BIRC6: variants seen among roughly 807,000 people sequenced by gnomAD.
BIRC6 encodes baculoviral IAP repeat containing 6.
In BIRC6, 98 loss-of-function variants were observed where a neutral mutation model predicts 503.3. The ratio of observed to expected loss-of-function variants is 0.19; its 90% CI spans 0.17 to 0.23. The LOEUF (loss-of-function observed/expected upper bound fraction) is 0.23. BIRC6 is among the 10% of genes least tolerant of loss of function. BIRC6 has a pLI of 1.00. For missense variants in BIRC6, 5,360 were observed against 5,806.0 expected, an observed-to-expected ratio of 0.92 and a Z score of 2.50; for synonymous variants, 2,240 against 2,078.7, an observed-to-expected ratio of 1.08 and a Z score of -2.11.
At chr2:32,596,795 A>G (rs1197498800) in intron 68 of BIRC6, among the ~76,000 whole-genome samples, 1 of 152,222 alleles carries the variant, frequency 6.6e-6, no homozygotes, top group East Asian at 1.9e-4. Flanking sequence ...GTTTAGTCAT[A>G]TTTCATATCT....
At chr2:32,463,744 A>G (rs934120234) in intron 24 of BIRC6, among the ~76,000 whole-genome samples, 6 of 152,250 alleles carry the variant, frequency 3.9e-5, no homozygotes, top group African/African-American at 1.2e-4. Flanking sequence ...CTTAAAATTC[A>G]CTAATAATGA....
intron 66 of BIRC6, among the ~76,000 whole-genome samples, chr2:32,580,001 T>G (rs1412636133): frequency 6.6e-6 from 1 of 150,492 alleles, no homozygotes; most frequent in African/African-American, 2.5e-5. Context: ...TCGGCCAGGC[T>G]GGAGTGCAGT....
intron 66 of BIRC6, chr2:32,591,075 C>A: frequency 2.8e-6 from 2 of 701,894 alleles, no homozygotes; most frequent in Non-Finnish European, 3.5e-6. Context: ...TAATGTCAGA[C>A]AATGACTAGT....
At chr2:32,360,541 A>G (rs1313911060) in intron 1 of BIRC6, among the ~76,000 whole-genome samples, 1 of 152,082 alleles carries the variant, frequency 6.6e-6, no homozygotes, top group African/African-American at 2.4e-5. Context: ...TCTTTTTCCT[A>G]ACTACAGTAG....
chr2:32,514,981 A>C lies in BIRC6; in HGVS notation c.10569-9A>C. The C allele has an allele frequency of 1.3e-6, 2 of 1,590,734 alleles. No individual in the cohort carries two copies. The highest frequency in any genetic ancestry group is 1.7e-6 in the Non-Finnish European group (2 of 1,164,034). The stretch of plus-strand genomic sequence containing the variant: ...TTGTATCATTAATATGATATCTTTT[A>C]TTTTTTAGGTTACTTTTTAATTGGT... On this transcript the variant is annotated splice_polypyrimidine_tract_variant and intron_variant, in intron 54 of 73. Transcript: ENST00000421745.
At chr2:32,504,814 C>A (rs190892169) in intron 49 of BIRC6, among the ~76,000 whole-genome samples, 191 bp from the exon 50 acceptor site, 4 of 152,076 alleles carry the variant, frequency 2.6e-5, no homozygotes, top group African/African-American at 4.8e-5. Flanking sequence ...TGTCACCTTG[C>A]CAGTTGACAG....
At chr2:32,530,501 C>T (rs367641183) in intron 60 of BIRC6, among the ~76,000 whole-genome samples, 12 of 152,178 alleles carry the variant, frequency 7.9e-5, no homozygotes, top group Middle Eastern at 3.2e-3. Flanking sequence ...TGAGCCACCG[C>T]ACCCGGCCCT....
intron 11 of BIRC6, 136 bp from the exon 12 acceptor site, chr2:32,430,729 T>C (rs1162539966): frequency 9.2e-6 from 6 of 649,868 alleles, no homozygotes; most frequent in African/African-American, 1.8e-5. Context: ...GAGCCCACTT[T>C]ATTAACTTTC....
In BIRC6 at chr2:32,430,760, C is replaced by T. The variant is rs531430979; in HGVS notation, c.3023-105C>T. 1.4e-5 allele frequency: 11 copies of T among 808,552 alleles called. No homozygotes were observed. The South Asian group carries it at 1.7e-4, about 12-fold the overall frequency. The allele number at this position is 808,552 out of a possible 1,614,324, so 50.1% of individuals were successfully genotyped here. On this transcript the variant is annotated intron_variant, in intron 11 of 73. Coordinates refer to ENST00000421745, the MANE Select transcript of BIRC6 (RefSeq NM_016252.4). ...CTTTCAGAATATTTGGCAAGTGTTG[C>T]AATAGAAAACCTACCCATGAATTAA...
intron 50 of BIRC6, among the ~76,000 whole-genome samples, chr2:32,506,041 GT>G (rs1194958966): frequency 2.0e-5 from 3 of 152,024 alleles, no homozygotes; most frequent in Admixed American, 6.6e-5. Flanking sequence ...TAGAGACGGG[GT>G]TTTGTTATGA....
chr2:32,474,938 C>T (rs1383432974), intron 33 of BIRC6, among the ~76,000 whole-genome samples: 1 of 150,748 alleles, frequency 6.6e-6, no homozygotes, highest in Non-Finnish European at 1.5e-5. Context: ...TTCCTGATAC[C>T]AAAAACAGGT....
At chr2:32,455,972 GTTAATA>G (rs1377390805) in intron 23 of BIRC6, among the ~76,000 whole-genome samples, 6 of 152,248 alleles carry the variant, frequency 3.9e-5, no homozygotes, top group South Asian at 2.1e-4. Flanking sequence ...TTTGAAACAT[GTTAATA>G]TTAATATAAT....
Position 32,415,120 on chromosome 2 carries a change from A to G in BIRC6, c.1829A>G (p.Asn610Ser), listed in dbSNP as rs149538782. 7.4e-6 allele frequency: 12 copies of G among 1,613,974 alleles called. No individual in the cohort carries two copies. Among genetic ancestry groups the G allele is most frequent in the South Asian group, 1.1e-5 (1 of 91,066 alleles). The part of the protein sequence containing the change: ...ESISEQGSTD[N>S]ESCTNSELNS... ...ATATCAGAACAAGGGTCAACTGACA[A>G]TGAATCCTGCACTAATTCAGAACTA... The change falls in exon 10 of 74, where the codon AAT becomes AGT. Residue 610 changes from asparagine to serine, a missense_variant. Physicochemically the swap from Asn to Ser is conservative, Grantham distance 46. Transcript: ENST00000421745.
intron 21 of BIRC6, among the ~76,000 whole-genome samples, chr2:32,447,422 G>A (rs2046138109): frequency 6.7e-6 from 1 of 149,660 alleles, no homozygotes; most frequent in Non-Finnish European, 1.5e-5. Flanking sequence ...CGGCTGGCCG[G>A]GCGGGGGGCT....
At position 32,549,401 on chromosome 2, in the gene BIRC6, C is replaced by T; in HGVS notation, c.13064C>T (p.Ala4355Val). The change falls in exon 65 of 74, where the codon GCC (alanine) becomes GTC (valine). Residue 4355 changes from alanine (A) to valine (V), a missense_variant. Ala to Val is a moderately conservative substitution (Grantham distance 64). Around this residue, in one of 16 missense-constraint regions of BIRC6, gnomAD observed 477 missense variants for 574.4 expected, o/e 0.83. Transcript: ENST00000421745. ...SHETRGQNSN[A>V]LPSVLLELLS... ...GAGACTAGAGGGCAGAACAGTAATG[C>T]CCTTCCTTCTGTACTTCTCGAGCTT... 6.6e-7 allele frequency: 1 copy of T among 1,522,454 alleles called. No homozygotes were observed. The highest frequency in any genetic ancestry group is 9.0e-7 in the Non-Finnish European group (1 of 1,116,092). 94.3% of individuals were successfully genotyped at this position (1,522,454 alleles called of 1,614,324 possible). A position where few individuals can be genotyped will look rare whatever the true frequency, so the allele number is the denominator to read the frequency against.
Position 32,464,740 on chromosome 2 carries a change from G to A in BIRC6, c.5173G>A (p.Ala1725Thr). 6.2e-7 allele frequency: 1 copy of A among 1,613,952 alleles called. No homozygotes were observed. The highest frequency in any genetic ancestry group is 8.5e-7 in the Non-Finnish European group (1 of 1,179,880). ...AVSVVINAELAQLFPGSVIDP... is the reference protein window; with the variant it reads ...AVSVVINAELTQLFPGSVIDP... The stretch of plus-strand genomic sequence containing the variant: ...TTCCGTTGTGATTAATGCCGAACTT[G>A]CACAGCTTTTCCCAGGCTCAGTCAT... The change falls in exon 25 of 74, where the codon GCA becomes ACA. Residue 1725 changes from alanine (A) to threonine (T), a missense_variant. Ala to Thr is a moderately conservative substitution (Grantham distance 58). This residue lies in a region of BIRC6 where 2,299 missense variants were observed against 2,267.2 expected (regional missense o/e 1.01). Transcript: ENST00000421745.
chr2:32,598,672 A>G (rs1489724945), intron 69 of BIRC6, among the ~76,000 whole-genome samples: 2 of 152,196 alleles, frequency 1.3e-5, no homozygotes, highest in African/African-American at 4.8e-5. Context: ...TCTGTCTTCC[A>G]TAGATACGCA....
intron 4 of BIRC6, among the ~76,000 whole-genome samples, chr2:32,390,362 G>A (rs1029805737): frequency 6.6e-6 from 1 of 151,926 alleles, no homozygotes; most frequent in Non-Finnish European, 1.5e-5. Context: ...AGTACAGGTG[G>A]GGTTTCACCG....
rs555857689 is a variant in BIRC6 at position 32,470,305 on chromosome 2, T to G, written c.6481+4T>G. The G allele has an allele frequency of 1.2e-5, 18 of 1,554,000 alleles. No individual in the cohort carries two copies. In the Middle Eastern group the frequency reaches 8.4e-4, roughly 73 times the overall value. On this transcript the variant is annotated splice_donor_region_variant and intron_variant, in intron 31 of 73. Transcript: ENST00000421745. ...CCCATGCATAGGAGGACAGAAGGTATTAAGAGAAAGCAGTGTTCTTTAGTA... is the reference window on the plus strand; with the variant it reads ...CCCATGCATAGGAGGACAGAAGGTAGTAAGAGAAAGCAGTGTTCTTTAGTA...
Sources: gnomAD v4.1 joint callset for allele counts (sites outside exome capture counted in the v4.1 genomes callset) on GRCh38, gnomAD v4.1.1 for gene constraint, gnomAD v4.1.1 regional missense constraint, MANE v1.5 for transcripts, NCBI Gene and HGNC (gene_info 2026-07-23, HGNC 2026-07-21) for gene names.